AGBL2: variants seen among roughly 807,000 people sequenced by gnomAD.
AGBL2 encodes the protein cytosolic carboxypeptidase 2.
In AGBL2, 87 loss-of-function variants were observed where a neutral mutation model predicts 103.0. The observed-to-expected ratio is 0.84, with a 90% CI of 0.71 to 1.01. The LOEUF (loss-of-function observed/expected upper bound fraction) is 1.01, where lower values mean the gene tolerates loss of function less well. AGBL2 is among the 50% of genes least tolerant of loss of function. The pLI is 0.00. For missense variants in AGBL2, 904 were observed against 1,023.5 expected, an observed-to-expected ratio of 0.88 and a Z score of 1.59; for synonymous variants, 335 against 356.7, an observed-to-expected ratio of 0.94 and a Z score of 0.69.
Position 47,681,958 on chromosome 11 carries a change from A to G in AGBL2, c.1915+11T>C. Reference sequence around the variant, plus strand: ...CCTATGCTGGCCTATGATATACAAAAGAGAATGTACCCAGGGTGGACCCGC... The same window carrying G: ...CCTATGCTGGCCTATGATATACAAAGGAGAATGTACCCAGGGTGGACCCGC... On this transcript the variant is annotated intron_variant, in intron 12 of 18. Coordinates refer to ENST00000525123, the MANE Select transcript of AGBL2 (RefSeq NM_024783.4). 6.2e-7 allele frequency: 1 copy of G among 1,611,406 alleles called. No individual in the cohort carries two copies. The highest frequency in any genetic ancestry group is 8.5e-7 in the Non-Finnish European group (1 of 1,179,374).
Position 47,659,966 on chromosome 11 carries a change from T to C in AGBL2, c.*207A>G, listed in dbSNP as rs775174090. 37 of 441,952 alleles carry C rather than the reference T, an allele frequency of 8.4e-5. No individual in the cohort carries two copies. Among genetic ancestry groups the C allele is most frequent in the Non-Finnish European group, 1.3e-4 (34 of 260,088 alleles). 27.4% of individuals were successfully genotyped at this position (441,952 alleles called of 1,614,324 possible). ...TTTTACACATCATAATAAAATTTCA[T>C]TTTATGAAAAAATAGTTGAATTCAT... On this transcript the variant is annotated 3_prime_UTR_variant, in exon 19 of 19. Transcript: ENST00000525123.
intron 8 of AGBL2, among the ~76,000 whole-genome samples, chr11:47,693,282 C>A (rs2097455155): frequency 6.6e-6 from 1 of 152,060 alleles, no homozygotes; most frequent in Non-Finnish European, 1.5e-5. Context: ...CTGCCTCAGC[C>A]TCCTGAGTAG....
chr11:47,715,250 G>A lies in AGBL2; in HGVS notation c.-176C>T, dbSNP rs2135046664. The stretch of plus-strand genomic sequence containing the variant: ...AAGCAGCACGGATGGCTGCGGCAGA[G>A]AAGCTCCAGCGAGGCAGGCGGCCAC... On this transcript the variant is annotated 5_prime_UTR_variant, in exon 1 of 19. Transcript: ENST00000525123. The A allele has an allele frequency of 6.5e-6, 1 of 154,178 alleles. No individual in the cohort carries two copies. Among genetic ancestry groups the A allele is most frequent in the South Asian group, 2.0e-4 (1 of 4,964 alleles). 9.6% of individuals were successfully genotyped at this position (154,178 alleles called of 1,614,324 possible). A position where few individuals can be genotyped will look rare whatever the true frequency, so the allele number is the denominator to read the frequency against.
At chr11:47,681,124 G>C (rs2097399642) in intron 12 of AGBL2, among the ~76,000 whole-genome samples, 1 of 151,990 alleles carries the variant, frequency 6.6e-6, no homozygotes, top group African/African-American at 2.4e-5. Flanking sequence ...GAGCCAGGGA[G>C]TTTGAGGCCA....
At chr11:47,686,124 T>G in intron 10 of AGBL2, 75 bp from the exon 11 acceptor site, 108 of 1,448,330 alleles carry the variant, frequency 7.5e-5, no homozygotes, top group Non-Finnish European at 9.2e-5. Flanking sequence ...TTGGTATCTC[T>G]TCCTTAAATA....
At chr11:47,673,104 T>C (rs2097362252) in intron 14 of AGBL2, among the ~76,000 whole-genome samples, 1 of 152,196 alleles carries the variant, frequency 6.6e-6, no homozygotes, top group South Asian at 2.1e-4. Flanking sequence ...TACAGAACAG[T>C]ACCATTCTAA....
chr11:47,680,815 C>CAAAACAAAAA (rs1317603376), intron 12 of AGBL2, among the ~76,000 whole-genome samples: 1 of 151,918 alleles, frequency 6.6e-6, no homozygotes, highest in Non-Finnish European at 1.5e-5. Flanking sequence ...CAAAACAAAA[C>CAAAACAAAAA]AAAACAAAAC....
chr11:47,705,978 C>T, intron 4 of AGBL2, 61 bp from the exon 5 acceptor site: 2 of 1,367,108 alleles, frequency 1.5e-6, no homozygotes, highest in South Asian at 1.2e-5. Flanking sequence ...TTTCTTCTGT[C>T]TGCTATCCCC....
chr11:47,677,617 C>T (rs1410122824), intron 13 of AGBL2, among the ~76,000 whole-genome samples: 1 of 151,972 alleles, frequency 6.6e-6, no homozygotes, highest in Non-Finnish European at 1.5e-5. Context: ...CCACACTCAG[C>T]TAATTTTGTA....
intron 10 of AGBL2, 50 bp from the exon 11 acceptor site, chr11:47,686,099 A>C: frequency 6.4e-7 from 1 of 1,561,540 alleles, no homozygotes; most frequent in Non-Finnish European, 8.7e-7. Context: ...ATGCATACAA[A>C]TAATTAAGGA....
chr11:47,686,943 G>C (rs1489533427), intron 10 of AGBL2, among the ~76,000 whole-genome samples: 2 of 115,374 alleles, frequency 1.7e-5, no homozygotes, highest in East Asian at 5.7e-4. Context: ...TGGGCATCAA[G>C]AGTGAAACTC....
rs1247687893 is a variant in AGBL2, at chr11:47,667,702, C to G, written c.2215-6G>C. The G allele has an allele frequency of 1.9e-6, 3 of 1,608,326 alleles. No homozygotes were observed. Among genetic ancestry groups the G allele is most frequent in the Non-Finnish European group, 2.5e-6 (3 of 1,179,116 alleles). On this transcript the variant is annotated splice_polypyrimidine_tract_variant and splice_region_variant and intron_variant, in intron 15 of 18. Coordinates refer to ENST00000525123, the MANE Select transcript of AGBL2 (RefSeq NM_024783.4). Reference sequence around the variant, plus strand: ...ATCTTCTTTTTCTGAGTCAGCTATTCCAGAAAGTAGAGAAACTGGTCATTG... The same window carrying G: ...ATCTTCTTTTTCTGAGTCAGCTATTGCAGAAAGTAGAGAAACTGGTCATTG...
chr11:47,715,214 C>T lies in AGBL2; in HGVS notation c.-140G>A, dbSNP rs1440929767. On this transcript the variant is annotated 5_prime_UTR_variant, in exon 1 of 19. Transcript: ENST00000525123. ...GATGGATGCGACCGCCTTCGCGCCC[C>T]GGCCCGTCCCAAGCAGCACGGATGG... The T allele has an allele frequency of 3.2e-5, 5 of 157,034 alleles. No homozygotes were observed. Among genetic ancestry groups the T allele is most frequent in the African/African-American group, 1.2e-4 (5 of 41,450 alleles). The allele number at this position is 157,034 out of a possible 1,614,324, so 9.7% of individuals were successfully genotyped here.
At chr11:47,678,108 C>T (rs571454649) in intron 13 of AGBL2, among the ~76,000 whole-genome samples, 56 of 151,686 alleles carry the variant, frequency 3.7e-4, no homozygotes, top group South Asian at 1.5e-3. Context: ...GGACTACAGG[C>T]GCACACCACC....
At chr11:47,669,528 A>T (rs947366706) in intron 14 of AGBL2, among the ~76,000 whole-genome samples, 1 of 151,898 alleles carries the variant, frequency 6.6e-6, no homozygotes, top group African/African-American at 2.4e-5. Flanking sequence ...AATACAAAAA[A>T]ATTATCTGGG....
intron 17 of AGBL2, among the ~76,000 whole-genome samples, chr11:47,664,081 C>G (rs1488585630): frequency 2.0e-5 from 3 of 152,026 alleles, no homozygotes; most frequent in Non-Finnish European, 2.9e-5. Flanking sequence ...TCTTGAACCC[C>G]TGACCTCAGG....
chr11:47,677,680 C>T lies in AGBL2; in HGVS notation c.2017-279G>A, dbSNP rs533551365. Among the ~76,000 whole-genome samples, 397 of 151,998 alleles carry T rather than the reference C, an allele frequency of 2.6e-3. 2 individuals carry two copies. The highest frequency in any genetic ancestry group is 4.7e-3 in the Non-Finnish European group (322 of 67,956). On this transcript the variant is annotated intron_variant, in intron 13 of 18. Coordinates refer to ENST00000525123, the MANE Select transcript of AGBL2 (RefSeq NM_024783.4). ...ATTGGTCAGGCTGGTTTTGAACTCC[C>T]GACCTCAGGTGATCCACCTGCCTCA...
In AGBL2 at chr11:47,666,952, C is replaced by G. The variant is rs376635389; in HGVS notation, c.2448+4G>C. The G allele has an allele frequency of 2.5e-5, 39 of 1,586,298 alleles. No individual in the cohort carries two copies. In the Middle Eastern group the frequency reaches 8.3e-4, roughly 34 times the overall value. On this transcript the variant is annotated splice_donor_region_variant and intron_variant, in intron 17 of 18. Coordinates refer to ENST00000525123, the MANE Select transcript of AGBL2 (RefSeq NM_024783.4). The stretch of plus-strand genomic sequence containing the variant: ...TGACAAAGAGTCAAAAACAAAAATA[C>G]TACCTCATTTAACCTTGGGTTTTCA...
Position 47,685,976 on chromosome 11 carries a change from A to G in AGBL2, c.1705T>C (p.Tyr569His). 1 of 1,614,046 alleles carries G rather than the reference A, an allele frequency of 6.2e-7. No homozygotes were observed. The highest frequency in any genetic ancestry group is 8.5e-7 in the Non-Finnish European group (1 of 1,179,902). ...TTGCGATTGTTGTTATTACAGCCAT[A>G]CAGGAAGATATTATTCTTACGACTG... ...GHSRKNNIFL[Y>H]GCNNNNRKYW... Residue 569 changes from tyrosine to histidine, a missense_variant, in exon 11 of 19, where the codon TAT becomes CAT. By Grantham distance (83) the Tyr-to-His change is moderately conservative (BLOSUM62 2). Coordinates refer to ENST00000525123, the MANE Select transcript of AGBL2 (RefSeq NM_024783.4).
Sources: allele counts gnomAD v4.1 joint callset (sites outside exome capture counted in the v4.1 genomes callset), GRCh38; gene constraint gnomAD v4.1.1; transcripts MANE v1.5; gene names NCBI Gene and HGNC (gene_info 2026-07-23, HGNC 2026-07-21).